Variants in PLPP4 observed in about 807,000 individuals in gnomAD.
PLPP4 encodes the protein phospholipid phosphatase 4.
A neutral mutation model predicts 32.2 loss-of-function variants in PLPP4; 20 were observed. The observed-to-expected ratio is 0.62, with a 90% confidence interval of 0.44 to 0.90. The LOEUF is 0.90. PLPP4 is among the 40% of genes least tolerant of loss of function. The pLI is 0.00. For missense variants in PLPP4, 257 were observed against 353.1 expected (o/e 0.73, Z 2.18); for synonymous variants, 127 against 133.0 (o/e 0.95, Z 0.31).
At chr10:120,578,725 G>A (rs1230681567) in intron 6 of PLPP4, among the ~76,000 whole-genome samples, 1 of 152,218 alleles carries the variant, frequency 6.6e-6, no homozygotes, top group Non-Finnish European at 1.5e-5. Context: ...ACAGGCCATG[G>A]CATAGGGAAG....
intron 5 of PLPP4, among the ~76,000 whole-genome samples, chr10:120,569,084 C>T (rs112608795): frequency 1.2e-4 from 18 of 151,998 alleles, no homozygotes; most frequent in African/African-American, 4.3e-4. Flanking sequence ...GCCAAAAATA[C>T]AAAAACTAGC....
chr10:120,476,944 C>G (rs938598562), intron 1 of PLPP4, among the ~76,000 whole-genome samples: 1 of 152,180 alleles, frequency 6.6e-6, no homozygotes, highest in Non-Finnish European at 1.5e-5. Context: ...TCTGTTCCCT[C>G]TCCCAATGGT....
At chr10:120,535,431 A>G (rs1350545328) in intron 5 of PLPP4, among the ~76,000 whole-genome samples, 9 of 152,028 alleles carry the variant, frequency 5.9e-5, no homozygotes, top group Non-Finnish European at 8.8e-5. Context: ...TTTATTCTCC[A>G]TCTGTTGGGT....
chr10:120,528,069 G>GTTTTGTT (rs1846490532), intron 5 of PLPP4, among the ~76,000 whole-genome samples: 1 of 84,270 alleles, frequency 1.2e-5, no homozygotes, highest in African/African-American at 4.8e-5. Context: ...ACCACTCTCC[G>GTTTTGTT]TTTTTTTTTT....
chr10:120,575,482 C>T (rs536540037), intron 6 of PLPP4, among the ~76,000 whole-genome samples, 181 bp downstream of exon 6: 3 of 152,302 alleles, frequency 2.0e-5, no homozygotes, highest in African/African-American at 7.2e-5. Context: ...GAGGTCTGGC[C>T]TTCCTGGGGA....
At chr10:120,523,549 T>G (rs1846261192) in intron 5 of PLPP4, among the ~76,000 whole-genome samples, 2 of 152,182 alleles carry the variant, frequency 1.3e-5, no homozygotes, top group Non-Finnish European at 2.9e-5. Context: ...GTACCTGGAA[T>G]AGTATTCACC....
At chr10:120,465,369 G>A (rs1300611141) in intron 1 of PLPP4, among the ~76,000 whole-genome samples, 2 of 152,148 alleles carry the variant, frequency 1.3e-5, no homozygotes, top group African/African-American at 4.8e-5. Context: ...AGAGGACCTG[G>A]GGCTGCAGAA....
In PLPP4 at chr10:120,513,900, A is replaced by G. The variant is rs1191318671; in HGVS notation, c.166-11A>G. On this transcript the variant is annotated splice_polypyrimidine_tract_variant and intron_variant, in intron 2 of 6. Coordinates refer to ENST00000398250, the MANE Select transcript of PLPP4 (RefSeq NM_001030059.3). ...ATGTCCTCATAAGGGATTGTTTGTT[A>G]TTTCTTCCAGGCAATTTCTTTCCTC... 1 of 1,608,884 alleles carries G rather than the reference A, an allele frequency of 6.2e-7. No homozygotes were observed. The highest frequency in any genetic ancestry group is 8.5e-7 in the Non-Finnish European group (1 of 1,175,398).
At chr10:120,524,745 C>A (rs1472317444) in intron 5 of PLPP4, among the ~76,000 whole-genome samples, 1 of 152,088 alleles carries the variant, frequency 6.6e-6, no homozygotes, top group Non-Finnish European at 1.5e-5. Flanking sequence ...AAAGCAGAGA[C>A]CACAATTTCA....
At chr10:120,587,832 C>T (rs146509489) in intron 6 of PLPP4, among the ~76,000 whole-genome samples, 157 of 152,332 alleles carry the variant, frequency 1.0e-3, no homozygotes, top group African/African-American at 3.2e-3. Flanking sequence ...TTATATAGTG[C>T]GTTGCTTACT....
intron 1 of PLPP4, among the ~76,000 whole-genome samples, chr10:120,493,811 C>T (rs188417489): frequency 2.7e-3 from 410 of 152,236 alleles, no homozygotes; most frequent in Non-Finnish European, 4.3e-3. Flanking sequence ...ATGAGATCAA[C>T]GGCAGCTTAC....
At chr10:120,588,311 G>A (rs1302092468) in intron 6 of PLPP4, among the ~76,000 whole-genome samples, 2 of 152,186 alleles carry the variant, frequency 1.3e-5, no homozygotes, top group Non-Finnish European at 1.5e-5. Context: ...CTTTGGCAGG[G>A]GGCTGCCCTT....
Position 120,589,326 on chromosome 10 carries a change from G to C in PLPP4, c.640G>C (p.Gly214Arg). ...WQDSFVGGVI[G>R]LIFAYICYRQ... ...AGATTCCTTTGTGGGTGGAGTCATC[G>C]GCCTCATTTTTGCATACATTTGCTA... Residue 214 changes from glycine to arginine, a missense_variant, in exon 7 of 7, where the codon GGC becomes CGC. Transcript: ENST00000398250. The C allele has an allele frequency of 3.1e-6, 5 of 1,614,088 alleles. No homozygotes were observed. The highest frequency in any genetic ancestry group is 4.2e-6 in the Non-Finnish European group (5 of 1,180,018).
At chr10:120,457,087 A>G (rs1847809282), upstream of PLPP4, 1 of 212,042 alleles carries the variant, frequency 4.7e-6, no homozygotes, top group African/African-American at 2.3e-5. Context: ...CAGTATCGCC[A>G]GCGGCCGGCG....
chr10:120,462,816 G>A (rs1848118546), intron 1 of PLPP4, among the ~76,000 whole-genome samples: 1 of 152,080 alleles, frequency 6.6e-6, no homozygotes, highest in Non-Finnish European at 1.5e-5. Context: ...GCAGTCTAGC[G>A]AATGGATGGC....
intron 5 of PLPP4, among the ~76,000 whole-genome samples, chr10:120,526,579 A>G (rs182559786): frequency 1.7e-3 from 260 of 152,254 alleles, no homozygotes; most frequent in Admixed American, 3.9e-3. Context: ...AGGTGCTCAC[A>G]GGTCAGTTCT....
chr10:120,505,689 T>A (rs1257853789), intron 2 of PLPP4, among the ~76,000 whole-genome samples: 1 of 152,214 alleles, frequency 6.6e-6, no homozygotes, highest in Non-Finnish European at 1.5e-5. Context: ...TAAACTGGAT[T>A]TTTATAAATC....
At chr10:120,510,053 G>T (rs1845664437) in intron 2 of PLPP4, among the ~76,000 whole-genome samples, 1 of 152,172 alleles carries the variant, frequency 6.6e-6, no homozygotes, top group Non-Finnish European at 1.5e-5. Flanking sequence ...ATTTTCCTAT[G>T]CATTAAGTAA....
rs1175074864 is a variant in PLPP4 at position 120,591,868 on chromosome 10, G to A, written c.*2366G>A. On this transcript the variant is annotated 3_prime_UTR_variant, in exon 7 of 7. Transcript: ENST00000398250. ...CTAATACTGGCCATGTAAAAGCTTT[G>A]ATTAAAATATAATTCAAATTACAGA... Among the ~76,000 whole-genome samples, 1 of 152,182 alleles carries A rather than the reference G, an allele frequency of 6.6e-6. No individual in the cohort carries two copies. Among genetic ancestry groups the A allele is most frequent in the Non-Finnish European group, 1.5e-5 (1 of 68,040 alleles).
Sources: allele counts gnomAD v4.1 joint callset (sites outside exome capture counted in the v4.1 genomes callset), GRCh38; gene constraint gnomAD v4.1.1; transcripts MANE v1.5; gene names NCBI Gene and HGNC (gene_info 2026-07-23, HGNC 2026-07-21).